Variants in PMPCA observed in about 807,000 individuals in gnomAD.
PMPCA encodes the protein mitochondrial-processing peptidase subunit alpha.
A neutral mutation model predicts 59.3 loss-of-function variants in PMPCA; 47 were observed. The ratio of observed to expected loss-of-function variants is 0.79; its 90% CI spans 0.63 to 1.01. PMPCA has a LOEUF of 1.01. Among genes scored for constraint, PMPCA ranks in the 50% least tolerant of loss-of-function variants. The pLI is 0.00. For missense variants in PMPCA, 726 were observed against 704.5 expected (o/e 1.03, Z -0.34); for synonymous variants, 338 against 290.3 (o/e 1.16, Z -1.67).
intron 7 of PMPCA, 92 bp downstream of exon 7, chr9:136,417,306 T>TCA (rs1835310450): frequency 9.1e-7 from 1 of 1,100,880 alleles, no homozygotes; most frequent in African/African-American, 1.6e-5. Flanking sequence ...CTGAGGGTGA[T>TCA]AGGTGTTGAC....
chr9:136,419,374 C>A (rs143743623), intron 11 of PMPCA: 127 of 559,266 alleles, frequency 2.3e-4, no homozygotes, highest in Non-Finnish European at 3.8e-4. Context: ...TCCACTACTT[C>A]TTTCTCTGAG....
chr9:136,415,907 A>C (rs1231973851), intron 5 of PMPCA, among the ~76,000 whole-genome samples: 1 of 152,204 alleles, frequency 6.6e-6, no homozygotes, highest in African/African-American at 2.4e-5. Context: ...TGCTGGGATT[A>C]CAGGCGTGAG....
rs939626257 is a variant in PMPCA at position 136,422,593 on chromosome 9, C to T, written c.1409-502C>T. On this transcript the variant is annotated intron_variant, in intron 12 of 12. Transcript: ENST00000371717. ...ACTTGCCCTGTCCCGTGTGGGCCCTCGTCCTTCCCTCAGGAGCCCCCGCTT... is the reference window on the plus strand; with the variant it reads ...ACTTGCCCTGTCCCGTGTGGGCCCTTGTCCTTCCCTCAGGAGCCCCCGCTT... 9 of 1,009,634 alleles carry T rather than the reference C, an allele frequency of 8.9e-6. No homozygotes were observed. The Admixed American group carries it at 2.1e-4, about 24-fold the overall frequency. The allele number at this position is 1,009,634 out of a possible 1,614,324, so 62.5% of individuals were successfully genotyped here.
chr9:136,423,232 C>T lies in PMPCA; in HGVS notation c.1546C>T (p.Arg516Cys), dbSNP rs745718181. Residue 516 changes from arginine (R) to cysteine (C), a missense_variant, in exon 13 of 13, where the codon CGC (arginine) becomes TGC (cysteine). Arg to Cys is a radical substitution (Grantham distance 180). Coordinates refer to ENST00000371717, the MANE Select transcript of PMPCA (RefSeq NM_015160.3). Reference protein sequence around the residue: ...IQTALSSKDGRLPRTYRLFR With the variant: ...IQTALSSKDGCLPRTYRLFR ...GACCGCCCTGTCGAGTAAGGACGGG[C>T]GCCTGCCCAGGACGTACCGGCTCTT... 2.7e-5 allele frequency: 44 copies of T among 1,613,232 alleles called. No homozygotes were observed. The highest frequency in any genetic ancestry group is 4.5e-5 in the East Asian group (2 of 44,892).
intron 2 of PMPCA, 101 bp downstream of exon 2, chr9:136,412,300 C>T: frequency 1.1e-6 from 1 of 946,864 alleles, no homozygotes; most frequent in Admixed American, 1.7e-5. Context: ...TGAATTGTAC[C>T]CTGAGTGGAA....
rs1238341198 is a variant in PMPCA, at chr9:136,418,621, G to A, written c.1057G>A (p.Gly353Ser). 1.9e-6 allele frequency: 3 copies of A among 1,613,862 alleles called. No individual in the cohort carries two copies. The highest frequency in any genetic ancestry group is 1.3e-5 in the African/African-American group (1 of 74,936). Reference protein sequence around the residue: ...MMGGGGSFSAGGPGKGMFSRL... With the variant: ...MMGGGGSFSASGPGKGMFSRL... ...GGGCGGAGGTGGCTCCTTCTCGGCT[G>A]GTGGGCCCGGCAAGGGCATGTTCTC... Residue 353 changes from glycine (G) to serine (S), a missense_variant, in exon 9 of 13, where the codon GGT becomes AGT. Coordinates refer to ENST00000371717, the MANE Select transcript of PMPCA (RefSeq NM_015160.3).
rs752469291 is a variant in PMPCA at position 136,417,080 on chromosome 9, G to A, written c.763G>A (p.Gly255Ser). 8 of 1,613,992 alleles carry A rather than the reference G, an allele frequency of 5.0e-6. No homozygotes were observed. Among genetic ancestry groups the A allele is most frequent in the East Asian group, 2.2e-5 (1 of 44,884 alleles). ...YYTPDRMVLA[G>S]VGVEHEHLVD... ...CACTCCCGACCGCATGGTGCTGGCC[G>A]GCGTGGGCGTGGAGCACGAGCATCT... The change falls in exon 7 of 13, where the codon GGC becomes AGC. Residue 255 changes from glycine to serine, a missense_variant. Physicochemically the swap from Gly to Ser is moderately conservative, Grantham distance 56 (BLOSUM62 0). Transcript: ENST00000371717.
At chr9:136,418,248 C>T in intron 8 of PMPCA, 139 bp downstream of exon 8, 1 of 700,552 alleles carries the variant, frequency 1.4e-6, no homozygotes, top group Non-Finnish European at 2.6e-6. Context: ...CTGTCCCTGG[C>T]ATCCAGCAAT....
At chr9:136,414,106 G>A (rs1835207515) in intron 4 of PMPCA, among the ~76,000 whole-genome samples, 1 of 152,232 alleles carries the variant, frequency 6.6e-6, no homozygotes, top group Admixed American at 6.5e-5. Context: ...GGCCGGGCAT[G>A]TTTCCACACT....
intron 12 of PMPCA, chr9:136,422,842 C>T: frequency 1.5e-6 from 2 of 1,300,430 alleles, no homozygotes; most frequent in Non-Finnish European, 2.0e-6. Context: ...GTAAGTGTAA[C>T]TCTTCTTGGG....
rs561630169 is a variant in PMPCA at position 136,417,833 on chromosome 9, G to A, written c.898-184G>A. On this transcript the variant is annotated intron_variant, in intron 7 of 12. Transcript: ENST00000371717. ...TTGCCACATTGCCTAGGCTGGTCTTGAACTCCTGGACTCAAGTGATCTGCC... is the reference window on the plus strand; with the variant it reads ...TTGCCACATTGCCTAGGCTGGTCTTAAACTCCTGGACTCAAGTGATCTGCC... Among the ~76,000 whole-genome samples, 3 of 150,530 alleles carry A rather than the reference G, an allele frequency of 2.0e-5. 1 individual carries two copies. The South Asian group carries it at 6.3e-4, about 32-fold the overall frequency.
At position 136,421,409 on chromosome 9, in the gene PMPCA, T is replaced by TTTGTTTTTG. The variant is rs1407851015; in HGVS notation, c.1264-421_1264-420insGTTTTTGTT. On this transcript the variant is annotated intron_variant, in intron 11 of 12. Transcript: ENST00000371717. The stretch of plus-strand genomic sequence containing the variant: ...TGACTTGGGCCTGGGTTCCCGTTTT[T>TTTGTTTTTG]TTTTTTTTTTTTTTTTTTGAGACAG... 1.4e-4 allele frequency among the ~76,000 whole-genome samples: 10 copies of TTTGTTTTTG among 72,244 alleles called. No homozygotes were observed. The East Asian group carries it at 1.7e-3, about 12-fold the overall frequency. 47.4% of individuals were successfully genotyped at this position (72,244 alleles called of 152,430 possible). A position where few individuals can be genotyped will look rare whatever the true frequency, so the allele number is the denominator to read the frequency against.
chr9:136,411,829 C>G (rs368931064), intron 1 of PMPCA, among the ~76,000 whole-genome samples, 168 bp from the exon 2 acceptor site: 9 of 152,224 alleles, frequency 5.9e-5, no homozygotes, highest in African/African-American at 2.2e-4. Context: ...GTGGCTGAGC[C>G]TTTGTTGTCA....
chr9:136,417,016 C>G lies in PMPCA; in HGVS notation c.699C>G (p.Ile233Met). ...GCCCCACAGAAAACGTAGCAAAGAT[C>G]AACCGAGAGGTGCTGCATTCCTACC... ...RFCPTENVAK[I>M]NREVLHSYLR... The change falls in exon 7 of 13, where the codon ATC becomes ATG. Residue 233 changes from isoleucine (I) to methionine (M), a missense_variant. By Grantham distance (10) the Ile-to-Met change is conservative. Transcript: ENST00000371717. The G allele has an allele frequency of 6.2e-7, 1 of 1,613,390 alleles. No homozygotes were observed. Among genetic ancestry groups the G allele is most frequent in the Non-Finnish European group, 8.5e-7 (1 of 1,179,998 alleles).
At chr9:136,417,445 G>A (rs1250210288) in intron 7 of PMPCA, among the ~76,000 whole-genome samples, 1 of 152,060 alleles carries the variant, frequency 6.6e-6, no homozygotes, top group African/African-American at 2.4e-5. Context: ...TTTCTCTAGG[G>A]GAGTGGGTCT....
At position 136,423,615 on chromosome 9, in the gene PMPCA, A is replaced by G. The variant is rs114945516; in HGVS notation, c.*351A>G. 2.3e-3 allele frequency: 641 copies of G among 278,752 alleles called. 4 individuals carry two copies. Among genetic ancestry groups the G allele is most frequent in the African/African-American group, 0.012 (575 of 46,668 alleles). The allele number at this position is 278,752 out of a possible 1,614,324, so 17.3% of individuals were successfully genotyped here. On this transcript the variant is annotated 3_prime_UTR_variant, in exon 13 of 13. Transcript: ENST00000371717. ...GCTGGGAGGCAGCAAAGGCTGACCT[A>G]TCAAAGCCTCCCGGAGGCCACCGTG... is the stretch of plus-strand genomic sequence containing the variant.
intron 7 of PMPCA, among the ~76,000 whole-genome samples, chr9:136,417,549 T>C (rs1336347419): frequency 2.6e-5 from 4 of 151,738 alleles, no homozygotes; most frequent in Admixed American, 1.3e-4. Flanking sequence ...CTCGGCTTAC[T>C]GCAACCTCCA....
chr9:136,414,574 G>A lies in PMPCA; in HGVS notation c.459G>A (p.Val153=). 1.2e-6 allele frequency: 2 copies of A among 1,612,446 alleles called. No homozygotes were observed. The highest frequency in any genetic ancestry group is 1.7e-6 in the Non-Finnish European group (2 of 1,178,444). ...QTSRDTTMYA[V]SADSKGLDTV... ...CCAGAGACACCACCATGTATGCTGT[G>A]TCTGCTGATAGCAAAGGCTTGGACA... Residue 153 remains valine (V), a synonymous_variant, in exon 5 of 13, where the codon GTG becomes GTA. Transcript: ENST00000371717.
chr9:136,414,468 T>G (rs1835217521), intron 4 of PMPCA, 85 bp from the exon 5 acceptor site: 1 of 880,562 alleles, frequency 1.1e-6, no homozygotes, highest in Admixed American at 1.7e-5. Flanking sequence ...ATTGTCCACC[T>G]GGCACGCAAA....
Sources: gnomAD v4.1 joint callset for allele counts (sites outside exome capture counted in the v4.1 genomes callset) on GRCh38, gnomAD v4.1.1 for gene constraint, MANE v1.5 for transcripts, NCBI Gene and HGNC (gene_info 2026-07-23, HGNC 2026-07-21) for gene names.